The following TEX9 variants were observed in gnomAD, a reference collection of about 807,000 sequenced individuals.
TEX9 encodes the protein testis-expressed protein 9.
A neutral mutation model predicts 59.6 loss-of-function variants in TEX9; 74 were observed. The ratio of observed to expected loss-of-function variants is 1.24; its 90% CI spans 1.03 to 1.51. The LOEUF (loss-of-function observed/expected upper bound fraction) is 1.51. Ranked by LOEUF, TEX9 falls within the 40% of genes most tolerant of loss-of-function variation. The pLI, the probability that TEX9 is intolerant of heterozygous loss-of-function variation, is 0.00. For synonymous variants in TEX9, 186 were observed against 152.2 expected (o/e 1.22, Z -1.64); for missense variants, 522 against 447.8 (o/e 1.17, Z -1.49).
At chr15:56,393,139 A>G (rs2048295878) in intron 7 of TEX9, among the ~76,000 whole-genome samples, 1 of 152,098 alleles carries the variant, frequency 6.6e-6, no homozygotes, top group Non-Finnish European at 1.5e-5. Flanking sequence ...TTAGGGAGAA[A>G]AAGAAATGGG....
intron 12 of TEX9, chr15:56,429,044 T>G: frequency 3.6e-6 from 4 of 1,122,032 alleles, no homozygotes; most frequent in Non-Finnish European, 5.1e-6. Flanking sequence ...ACAAAAGTTA[T>G]GCTGACATCT....
At position 56,336,810 on chromosome 15, in the gene TEX9, A is replaced by G. The variant is rs573444757; in HGVS notation, c.-106-36631A>G. Among the ~76,000 whole-genome samples, 11 of 152,294 alleles carry G rather than the reference A, an allele frequency of 7.2e-5. No individual in the cohort carries two copies. The East Asian group carries it at 1.7e-3, about 24-fold the overall frequency. The stretch of plus-strand genomic sequence containing the variant: ...GGGAATTGGGCCCTTATACTCCTAC[A>G]TCAGCCAGTCTTTGGTTGTTGGCTG... On this transcript the variant is annotated intron_variant, in intron 1 of 5. Transcript: ENST00000560827.
chr15:56,334,683 A>T (rs1165667402), intron 1 of TEX9, among the ~76,000 whole-genome samples: 1 of 152,166 alleles, frequency 6.6e-6, no homozygotes, highest in East Asian at 1.9e-4. Flanking sequence ...GCTCCTACAC[A>T]ACAAAGGAAA....
chr15:56,274,283 G>T lies in TEX9; in HGVS notation c.-107+30005G>T, dbSNP rs948620218. Among the ~76,000 whole-genome samples, 16 of 152,114 alleles carry T rather than the reference G, an allele frequency of 1.1e-4. No individual in the cohort carries two copies. The South Asian group carries it at 1.9e-3, about 18-fold the overall frequency. On this transcript the variant is annotated intron_variant, in intron 1 of 5. Coordinates refer to the TEX9 transcript ENST00000560827. Reference sequence around the variant, plus strand: ...AGTGCATTGAAAGTAATCTTTATCTGTGTTACCATGTTTTATTTCTAGTAT... The same window carrying T: ...AGTGCATTGAAAGTAATCTTTATCTTTGTTACCATGTTTTATTTCTAGTAT...
chr15:56,270,914 G>A (rs2044513446), intron 1 of TEX9, among the ~76,000 whole-genome samples: 1 of 152,162 alleles, frequency 6.6e-6, no homozygotes, highest in African/African-American at 2.4e-5. Context: ...GGCTGGATAT[G>A]AAATTCTGGG....
At chr15:56,301,292 C>T (rs2045354584) in intron 1 of TEX9, among the ~76,000 whole-genome samples, 1 of 151,640 alleles carries the variant, frequency 6.6e-6, no homozygotes, top group Non-Finnish European at 1.5e-5. Context: ...TGAAGACAGG[C>T]TAGAAGACAA....
chr15:56,369,794 C>T (rs1473552387), intron 2 of TEX9, among the ~76,000 whole-genome samples: 1 of 152,140 alleles, frequency 6.6e-6, no homozygotes, highest in Non-Finnish European at 1.5e-5. Context: ...ATTTGTTCTT[C>T]ATGACATCGG....
chr15:56,420,291 GTTC>G (rs2049915197), intron 10 of TEX9, among the ~76,000 whole-genome samples: 1 of 150,100 alleles, frequency 6.7e-6, no homozygotes, highest in Non-Finnish European at 1.5e-5. Flanking sequence ...GGTTCAATTT[GTTC>G]TTTTTCTCTT....
At chr15:56,307,598 C>T (rs781683271) in intron 1 of TEX9, among the ~76,000 whole-genome samples, 1 of 152,308 alleles carries the variant, frequency 6.6e-6, no homozygotes, top group East Asian at 1.9e-4. Flanking sequence ...AATTACGTAT[C>T]ATAAAATTCA....
Position 56,291,181 on chromosome 15 carries a change from G to C in TEX9, c.-107+46903G>C, listed in dbSNP as rs147106243. Reference sequence around the variant, plus strand: ...TGATACAGATTGTAATATAGATTGAGACCCTTTTCTAAATACATATGTGAA... The same window carrying C: ...TGATACAGATTGTAATATAGATTGACACCCTTTTCTAAATACATATGTGAA... On this transcript the variant is annotated intron_variant, in intron 1 of 5. Coordinates refer to the TEX9 transcript ENST00000560827. 2.7e-3 allele frequency among the ~76,000 whole-genome samples: 417 copies of C among 152,326 alleles called. 4 individuals carry two copies. The highest frequency in any genetic ancestry group is 9.8e-3 in the African/African-American group (408 of 41,572).
At chr15:56,267,859 A>C (rs887993243) in intron 1 of TEX9, among the ~76,000 whole-genome samples, 1 of 152,054 alleles carries the variant, frequency 6.6e-6, no homozygotes, top group African/African-American at 2.4e-5. Flanking sequence ...TTCCAATTCT[A>C]TGAAGAAAGT....
intron 3 of TEX9, among the ~76,000 whole-genome samples, chr15:56,373,718 A>G (rs2047297969): frequency 6.6e-6 from 1 of 152,166 alleles, no homozygotes; most frequent in African/African-American, 2.4e-5. Context: ...AGCCACTGAA[A>G]AAGTACTTTC....
chr15:56,390,499 A>G (rs1454680834), intron 6 of TEX9, among the ~76,000 whole-genome samples: 2 of 152,032 alleles, frequency 1.3e-5, no homozygotes, highest in South Asian at 2.1e-4. Flanking sequence ...AATTAAAATG[A>G]ATTGTGAAGC....
upstream of TEX9, among the ~76,000 whole-genome samples, chr15:56,360,689 A>C (rs2046773321): frequency 6.6e-6 from 1 of 152,208 alleles, no homozygotes; most frequent in Non-Finnish European, 1.5e-5. Context: ...ATTCTTAGCT[A>C]AGCAAAAGGG....
At chr15:56,273,939 C>T (rs1328444757) in intron 1 of TEX9, among the ~76,000 whole-genome samples, 1 of 152,124 alleles carries the variant, frequency 6.6e-6, no homozygotes, top group Non-Finnish European at 1.5e-5. Context: ...ATTTATCCTG[C>T]TTATGGTTCT....
chr15:56,258,200 T>C (rs1203277522), intron 1 of TEX9, among the ~76,000 whole-genome samples: 1 of 152,112 alleles, frequency 6.6e-6, no homozygotes, highest in Non-Finnish European at 1.5e-5. Flanking sequence ...AGCCCTGTAG[T>C]ATAGTTTGAA....
intron 1 of TEX9, among the ~76,000 whole-genome samples, chr15:56,359,285 G>T (rs1567097003): frequency 6.6e-6 from 1 of 152,102 alleles, no homozygotes; most frequent in Admixed American, 6.6e-5. Flanking sequence ...GTTGTGCAAT[G>T]ATTTAATAAT....
At chr15:56,444,752 G>A (rs1441099145) in intron 12 of TEX9, 1 of 1,186,486 alleles carries the variant, frequency 8.4e-7, no homozygotes, top group Non-Finnish European at 1.2e-6. Context: ...CAATGTTATT[G>A]AATATTATAA....
At chr15:56,320,358 C>A (rs1206318211) in intron 1 of TEX9, among the ~76,000 whole-genome samples, 1 of 152,160 alleles carries the variant, frequency 6.6e-6, no homozygotes, top group East Asian at 1.9e-4. Flanking sequence ...GTTCTGGAGG[C>A]TGGAAAGTCT....
Sources: allele counts gnomAD v4.1 joint callset (sites outside exome capture counted in the v4.1 genomes callset), GRCh38; gene constraint gnomAD v4.1.1; transcripts MANE v1.5; gene names NCBI Gene and HGNC (gene_info 2026-07-23, HGNC 2026-07-21).